PDE4D: variants seen among roughly 807,000 people sequenced by gnomAD.
PDE4D encodes the protein phosphodiesterase 4D.
Under a neutral mutation model 87.4 loss-of-function variants are expected in PDE4D, and 24 were observed. The ratio of observed to expected loss-of-function variants is 0.27; its 90% CI spans 0.20 to 0.39. PDE4D has a LOEUF of 0.39. PDE4D is among the 10% of genes least tolerant of loss of function. PDE4D has a pLI of 1.00. For synonymous variants in PDE4D, 384 were observed against 383.2 expected, an observed-to-expected ratio of 1.00 and a Z score of -0.02; for missense variants, 714 against 1,041.0, an observed-to-expected ratio of 0.69 and a Z score of 4.32.
rs1030043367 is a variant in PDE4D, at chr5:58,970,919, AAAAAGGAAAT to A, written c.*3735_*3744del. The A allele has an allele frequency of 6.6e-6, 1 of 151,988 alleles. No individual in the cohort carries two copies. The highest frequency in any genetic ancestry group is 1.5e-5 in the Non-Finnish European group (1 of 67,990). The allele number at this position is 151,988 out of a possible 1,614,324, so 9.4% of individuals were successfully genotyped here. A position where few individuals can be genotyped will look rare whatever the true frequency, so the allele number is the denominator to read the frequency against. On this transcript the variant is annotated 3_prime_UTR_variant, in exon 15 of 15. Coordinates refer to ENST00000340635, the MANE Select transcript of PDE4D (RefSeq NM_001104631.2). ...TTGTGTTTCCGAGTTAAAAAAAAAA[AAAAAGGAAAT>A]AATCAAATGCAAGTAGCTGAAGTAG...
chr5:59,014,811 C>A (rs1195385687), intron 6 of PDE4D, among the ~76,000 whole-genome samples: 1 of 152,148 alleles, frequency 6.6e-6, no homozygotes. Flanking sequence ...GCCCGCATTG[C>A]CAAGACAATC....
At chr5:59,750,430 G>A (rs930740652) in intron 1 of PDE4D, among the ~76,000 whole-genome samples, 3 of 151,826 alleles carry the variant, frequency 2.0e-5, no homozygotes, top group African/African-American at 4.8e-5. Flanking sequence ...CCTCAAATAC[G>A]CCAACCACAT....
intron 1 of PDE4D, among the ~76,000 whole-genome samples, chr5:60,385,760 C>G (rs1173932182): frequency 6.6e-6 from 1 of 152,208 alleles, no homozygotes; most frequent in Non-Finnish European, 1.5e-5. Flanking sequence ...TACTACTCCC[C>G]CTTCTCAGAA....
chr5:59,062,872 A>T (rs964035947), intron 5 of PDE4D, among the ~76,000 whole-genome samples: 1 of 151,986 alleles, frequency 6.6e-6, no homozygotes, highest in African/African-American at 2.4e-5. Context: ...CTACATACAT[A>T]CATAGGCTCA....
chr5:60,315,436 T>C (rs542525165), intron 1 of PDE4D, among the ~76,000 whole-genome samples: 1 of 152,316 alleles, frequency 6.6e-6, no homozygotes, highest in South Asian at 2.1e-4. Flanking sequence ...TTCTGTAGGT[T>C]GCCTGTTGAC....
intron 1 of PDE4D, among the ~76,000 whole-genome samples, chr5:59,365,340 T>G (rs1274406224): frequency 3.3e-5 from 5 of 151,782 alleles, no homozygotes; most frequent in Non-Finnish European, 4.4e-5. Context: ...ATGCCTGGGG[T>G]CCTAGCTACT....
At chr5:60,352,382 T>C (rs1057423689) in intron 1 of PDE4D, among the ~76,000 whole-genome samples, 2 of 152,192 alleles carry the variant, frequency 1.3e-5, no homozygotes, top group Non-Finnish European at 2.9e-5. Flanking sequence ...CTAAAGAATT[T>C]TGAGAAAGTA....
intron 1 of PDE4D, among the ~76,000 whole-genome samples, chr5:59,577,627 T>A (rs879775310): frequency 1.3e-5 from 2 of 152,156 alleles, no homozygotes; most frequent in Non-Finnish European, 2.9e-5. Flanking sequence ...CTAAGACTTT[T>A]AGAATCTTAT....
At chr5:60,337,925 T>TA (rs201236599) in intron 1 of PDE4D, among the ~76,000 whole-genome samples, 202 of 149,250 alleles carry the variant, frequency 1.4e-3, no homozygotes, top group African/African-American at 3.9e-3. Flanking sequence ...CAAATAATAA[T>TA]AAAAAAAAAG....
intron 1 of PDE4D, among the ~76,000 whole-genome samples, chr5:59,501,859 G>C (rs529413767): frequency 1.2e-3 from 182 of 152,262 alleles, no homozygotes; most frequent in Middle Eastern, 6.8e-3. Flanking sequence ...AAGTGGAATA[G>C]ATAGTAGAAT....
intron 1 of PDE4D, among the ~76,000 whole-genome samples, chr5:60,225,710 G>A (rs906624308): frequency 3.9e-5 from 6 of 152,028 alleles, no homozygotes; most frequent in Non-Finnish European, 5.9e-5. Context: ...GTAACTAAAA[G>A]CTACCTTTTG....
At chr5:60,069,825 CTT>C (rs1454269173) in intron 2 of PDE4D, among the ~76,000 whole-genome samples, 1 of 151,890 alleles carries the variant, frequency 6.6e-6, no homozygotes, top group Admixed American at 6.6e-5. Flanking sequence ...CATTCAATGT[CTT>C]TTGATTTGCT....
chr5:59,071,383 C>T (rs539016349), intron 5 of PDE4D, among the ~76,000 whole-genome samples: 58 of 151,980 alleles, frequency 3.8e-4, no homozygotes, highest in African/African-American at 1.2e-3. Context: ...TGAACTGGTC[C>T]TCTGATTTCC....
intron 1 of PDE4D, among the ~76,000 whole-genome samples, chr5:59,592,540 T>C (rs1198773805): frequency 9.9e-5 from 15 of 152,186 alleles, no homozygotes; most frequent in Non-Finnish European, 1.8e-4. Flanking sequence ...TCAACTAATA[T>C]AAAAAGCCAT....
chr5:59,081,791 T>C (rs1164198647), intron 5 of PDE4D, among the ~76,000 whole-genome samples: 1 of 152,168 alleles, frequency 6.6e-6, no homozygotes, highest in Non-Finnish European at 1.5e-5. Context: ...CTTAACAATG[T>C]CCTTAATGTA....
intron 5 of PDE4D, among the ~76,000 whole-genome samples, chr5:59,088,242 C>T (rs1768062220): frequency 6.6e-6 from 1 of 152,088 alleles, no homozygotes; most frequent in South Asian, 2.1e-4. Flanking sequence ...TATTATTGTG[C>T]CATCCTTCTC....
intron 2 of PDE4D, among the ~76,000 whole-genome samples, chr5:60,015,792 G>A (rs779330308): frequency 1.3e-5 from 2 of 152,014 alleles, no homozygotes; most frequent in African/African-American, 2.4e-5. Context: ...GATAGCCTTC[G>A]GATTTGAGTT....
chr5:60,475,141 C>A (rs1748212023), intron 1 of PDE4D, among the ~76,000 whole-genome samples: 1 of 152,070 alleles, frequency 6.6e-6, no homozygotes, highest in African/African-American at 2.4e-5. Context: ...GGTCTTCTCC[C>A]CCCTAATGTT....
At chr5:59,111,184 G>T (rs533820183) in intron 5 of PDE4D, among the ~76,000 whole-genome samples, 35 of 152,262 alleles carry the variant, frequency 2.3e-4, no homozygotes, top group African/African-American at 8.4e-4. Context: ...TCTCCCTTGG[G>T]ATATTCAATG....
Sources: allele counts gnomAD v4.1 joint callset (sites outside exome capture counted in the v4.1 genomes callset), GRCh38; gene constraint gnomAD v4.1.1; transcripts MANE v1.5; gene names NCBI Gene and HGNC (gene_info 2026-07-23, HGNC 2026-07-21).